UNC79: variants seen among roughly 807,000 people sequenced by gnomAD.
UNC79 encodes unc-79 subunit of NALCN channel complex.
Under a neutral mutation model 283.1 loss-of-function variants are expected in UNC79, and 37 were observed. The ratio of observed to expected loss-of-function variants is 0.13; its 90% CI spans 0.10 to 0.17. The LOEUF is 0.17. Ranked by LOEUF, UNC79 falls within the 10% of genes least tolerant of loss-of-function variation. The pLI is 1.00. For missense variants in UNC79, 2,272 were observed against 3,211.1 expected, an observed-to-expected ratio of 0.71 and a Z score of 7.07; for synonymous variants, 1,107 against 1,200.2, an observed-to-expected ratio of 0.92 and a Z score of 1.61.
At chr14:93,633,369 G>T (rs1172236829) in intron 31 of UNC79, among the ~76,000 whole-genome samples, 1 of 152,138 alleles carries the variant, frequency 6.6e-6, no homozygotes, top group East Asian at 1.9e-4. Flanking sequence ...CAAACAGCAT[G>T]CTAGTTACAT....
chr14:93,667,941 A>AT (rs968354086), intron 40 of UNC79, among the ~76,000 whole-genome samples: 19 of 152,304 alleles, frequency 1.2e-4, no homozygotes, highest in Admixed American at 5.9e-4. Flanking sequence ...CAAGAAAATA[A>AT]TTTTTTGTAA....
At chr14:93,600,668 A>G in exon 25 of UNC79, 1 of 1,613,876 alleles carries the variant, frequency 6.2e-7, no homozygotes. Context: ...TAAGCAGGAT[A>G]TTCCTGCTCT....
intron 2 of UNC79, among the ~76,000 whole-genome samples, 199 bp downstream of exon 2, chr14:93,467,990 T>C (rs2057303534): frequency 6.6e-6 from 1 of 152,098 alleles, no homozygotes; most frequent in South Asian, 2.1e-4. Context: ...ATTGGTTGCC[T>C]GGCTACTGCC....
At chr14:93,401,155 A>T (rs182551378) in intron 1 of UNC79, among the ~76,000 whole-genome samples, 1 of 152,298 alleles carries the variant, frequency 6.6e-6, no homozygotes, top group Admixed American at 6.5e-5. Flanking sequence ...TGGGACAAAA[A>T]TTTTTTTAAA....
chr14:93,347,968 G>T, intron 1 of UNC79: 1 of 1,007,792 alleles, frequency 9.9e-7, no homozygotes, highest in Non-Finnish European at 1.6e-6. Context: ...CTTTTTGTTA[G>T]GCAGCAAGTC....
At chr14:93,460,200 TC>T (rs2056917196) in intron 1 of UNC79, among the ~76,000 whole-genome samples, 1 of 51,014 alleles carries the variant, frequency 2.0e-5, no homozygotes, top group Non-Finnish European at 3.4e-5. Context: ...CAAGATTCCG[TC>T]TCAAAAAAAA....
intron 1 of UNC79, among the ~76,000 whole-genome samples, chr14:93,355,564 C>G (rs1174739563): frequency 6.6e-6 from 1 of 152,152 alleles, no homozygotes; most frequent in Non-Finnish European, 1.5e-5. Context: ...ACCTCCTGAC[C>G]TCCAGTGATC....
intron 1 of UNC79, among the ~76,000 whole-genome samples, chr14:93,434,796 C>T (rs1409133999): frequency 1.3e-5 from 2 of 152,170 alleles, no homozygotes; most frequent in East Asian, 3.8e-4. Context: ...AGCAGAGAAT[C>T]CTGGCACATA....
intron 14 of UNC79, among the ~76,000 whole-genome samples, chr14:93,565,988 T>G (rs773843562): frequency 1.6e-4 from 25 of 151,596 alleles, no homozygotes; most frequent in Non-Finnish European, 3.1e-4. Flanking sequence ...GAAGGAAAAA[T>G]AAAAACACAA....
chr14:93,645,087 A>G (rs2069452886), intron 34 of UNC79, among the ~76,000 whole-genome samples: 1 of 152,152 alleles, frequency 6.6e-6, no homozygotes, highest in South Asian at 2.1e-4. Context: ...CCAGGTCACA[A>G]TTTCTACTAT....
chr14:93,487,841 G>A, intron 5 of UNC79, 86 bp downstream of exon 5: 2 of 1,305,404 alleles, frequency 1.5e-6, no homozygotes, highest in Admixed American at 1.9e-5. Flanking sequence ...GTTCTCATGT[G>A]AGAACGTCAT....
chr14:93,493,775 A>G (rs1472145569), intron 5 of UNC79, among the ~76,000 whole-genome samples: 1 of 151,070 alleles, frequency 6.6e-6, no homozygotes, highest in African/African-American at 2.4e-5. Flanking sequence ...TCCTGTCTCT[A>G]AGGGAGGCCT....
intron 1 of UNC79, among the ~76,000 whole-genome samples, chr14:93,369,692 G>A (rs570639414): frequency 3.3e-5 from 5 of 152,274 alleles, no homozygotes; most frequent in East Asian, 1.9e-4. Flanking sequence ...TAGGCAGGTC[G>A]GCCTGGTTAG....
chr14:93,561,298 G>A (rs1035011922), intron 14 of UNC79, among the ~76,000 whole-genome samples: 1 of 152,180 alleles, frequency 6.6e-6, no homozygotes, highest in Admixed American at 6.5e-5. Flanking sequence ...CAAATATGGG[G>A]GGAGTAGAGT....
At chr14:93,389,631 C>T (rs1399378950) in intron 1 of UNC79, among the ~76,000 whole-genome samples, 1 of 146,740 alleles carries the variant, frequency 6.8e-6, no homozygotes, top group Non-Finnish European at 1.5e-5. Flanking sequence ...CAAATTCTTC[C>T]AGAAAACAAG....
intron 1 of UNC79, among the ~76,000 whole-genome samples, chr14:93,361,324 T>C (rs1348719866): frequency 6.6e-6 from 1 of 151,364 alleles, no homozygotes; most frequent in Non-Finnish European, 1.5e-5. Context: ...TTTGGGTGTG[T>C]TACTCCGGCC....
intron 40 of UNC79, 71 bp from the exon 44 acceptor site, chr14:93,673,280 C>T: frequency 7.4e-7 from 1 of 1,359,258 alleles, no homozygotes; most frequent in Non-Finnish European, 1.0e-6. Flanking sequence ...TTTTTGGAAG[C>T]TCTTTTGACA....
intron 40 of UNC79, among the ~76,000 whole-genome samples, chr14:93,669,841 G>A (rs2072644426): frequency 6.6e-6 from 1 of 152,092 alleles, no homozygotes; most frequent in Non-Finnish European, 1.5e-5. Context: ...GCTCTTTGAA[G>A]GAAGGTAGCA....
At chr14:93,644,009 A>T (rs1282960790) in intron 34 of UNC79, among the ~76,000 whole-genome samples, 2 of 152,220 alleles carry the variant, frequency 1.3e-5, no homozygotes, top group African/African-American at 4.8e-5. Flanking sequence ...TCAGCAGTTG[A>T]TAGTAAACAC....
Sources: gnomAD v4.1 joint callset for allele counts (sites outside exome capture counted in the v4.1 genomes callset) on GRCh38, gnomAD v4.1.1 for gene constraint, MANE v1.5 for transcripts, NCBI Gene and HGNC (gene_info 2026-07-23, HGNC 2026-07-21) for gene names.